Variants in DCST2 observed in about 807,000 individuals in gnomAD.
DCST2 encodes DC-STAMP domain containing 2, also known as DC-STAMP domain-containing protein 2.
DCST2 carries 64 observed loss-of-function variants against 81.8 expected under a neutral mutation model. That is an observed-to-expected ratio of 0.78 (90% CI 0.64 to 0.96). DCST2 has a LOEUF of 0.96. Among genes scored for constraint, DCST2 ranks in the 40% least tolerant of loss-of-function variants. The pLI, the probability that DCST2 is intolerant of heterozygous loss-of-function variation, is 0.00. For missense variants in DCST2, 945 were observed against 1,001.4 expected, an observed-to-expected ratio of 0.94 and a Z score of 0.76; for synonymous variants, 354 against 402.6, an observed-to-expected ratio of 0.88 and a Z score of 1.44.
intron 8 of DCST2, among the ~76,000 whole-genome samples, chr1:155,028,655 A>G (rs1427648190): frequency 6.6e-6 from 1 of 151,094 alleles, no homozygotes; most frequent in Non-Finnish European, 1.5e-5. Context: ...CCAGCAGATC[A>G]TGAGGTCAAG....
intron 3 of DCST2, among the ~76,000 whole-genome samples, chr1:155,032,047 G>C (rs1487412870): frequency 6.6e-6 from 1 of 152,200 alleles, no homozygotes; most frequent in East Asian, 1.9e-4. Context: ...AGGCTAGAGT[G>C]CAGTGGAGTG....
intron 4 of DCST2, 144 bp downstream of exon 4, chr1:155,031,430 A>AAAAATG: frequency 1.3e-6 from 1 of 755,990 alleles, no homozygotes. Context: ...CCCACCCCCA[A>AAAAATG]TACTGGTCCT....
rs749170029 is a variant in DCST2, at chr1:155,018,787, G to A, written c.2106-27C>T. 3.0e-5 allele frequency: 48 copies of A among 1,599,398 alleles called. No individual in the cohort carries two copies. The East Asian group carries it at 5.8e-4, about 19-fold the overall frequency. On this transcript the variant is annotated intron_variant, in intron 14 of 14. Transcript: ENST00000368424. ...TAGTGAGGAGAGGAAGGGGGTGGCC[G>A]GATCACCCACCTTCTGTCTTCACAG... is the stretch of plus-strand genomic sequence containing the variant.
intron 8 of DCST2, among the ~76,000 whole-genome samples, chr1:155,027,554 C>CTTTTTTTTTT (rs779621299): frequency 3.1e-5 from 2 of 64,020 alleles, no homozygotes; most frequent in South Asian, 5.9e-4. Context: ...TTTTTTACTT[C>CTTTTTTTTTT]TTTTTTTTTT....
In DCST2 at chr1:155,029,448, C is replaced by T. The variant is rs748333400; in HGVS notation, c.1178-51G>A. 1.9e-5 allele frequency: 30 copies of T among 1,583,952 alleles called. No homozygotes were observed. In the South Asian group the frequency reaches 2.7e-4, roughly 14 times the overall value. On this transcript the variant is annotated intron_variant, in intron 7 of 14. Transcript: ENST00000368424. ...GGATGCTCCCCAGTTCTCCCGTCCA[C>T]CAGATCCCAGTTCTTGGAGAGGCCT... is the stretch of plus-strand genomic sequence containing the variant.
At chr1:155,030,846 C>G (rs958641324) in intron 5 of DCST2, 1 of 618,994 alleles carries the variant, frequency 1.6e-6, no homozygotes, top group African/African-American at 1.8e-5. Flanking sequence ...GCTCAGCACC[C>G]AGCATGACAC....
chr1:155,026,041 C>T (rs191942541), intron 10 of DCST2, among the ~76,000 whole-genome samples: 2 of 151,732 alleles, frequency 1.3e-5, no homozygotes, highest in East Asian at 3.9e-4. Flanking sequence ...TCATCCCCCA[C>T]CCCCTCAACA....
Position 155,029,385 on chromosome 1 carries a change from A to T in DCST2, c.1190T>A (p.Leu397Ter). 6.2e-7 allele frequency: 1 copy of T among 1,613,954 alleles called. No individual in the cohort carries two copies. The highest frequency in any genetic ancestry group is 8.5e-7 in the Non-Finnish European group (1 of 1,179,928). ...GTAAAAAAACTTCTCCCATTGGGACAAGAAGATGGAGCCTGAGCAGGAGTG... is the reference window on the plus strand; with the variant it reads ...GTAAAAAAACTTCTCCCATTGGGACTAGAAGATGGAGCCTGAGCAGGAGTG... ...RRYIPPGSIF[L>*]SQWEKFFYIL... is the part of the protein sequence containing the mutation. Residue 397 changes from leucine to a stop codon, truncating the protein, a stop_gained, in exon 8 of 15, where the codon TTG becomes TAG. Transcript: ENST00000368424. LOFTEE classifies it high-confidence loss of function.
At chr1:155,020,122 C>T (rs752432843) in intron 14 of DCST2, among the ~76,000 whole-genome samples, 3 of 152,170 alleles carry the variant, frequency 2.0e-5, no homozygotes, top group Non-Finnish European at 4.4e-5. Context: ...CCCTGGAGCC[C>T]AAACCTCCCT....
In DCST2 at chr1:155,025,752, G is replaced by A. The variant is rs111933665; in HGVS notation, c.1611+550C>T. Among the ~76,000 whole-genome samples, 1,330 of 151,760 alleles carry A rather than the reference G, an allele frequency of 8.8e-3. 10 individuals carry two copies. The highest frequency in any genetic ancestry group is 0.016 in the South Asian group (79 of 4,808). On this transcript the variant is annotated intron_variant, in intron 10 of 14. Coordinates refer to ENST00000368424, the MANE Select transcript of DCST2 (RefSeq NM_144622.3). ...TCTCACTCCATTACCAGGCTGGAGTGCAGTGGTGCAATCATAGCTCACTAC... is the reference window on the plus strand; with the variant it reads ...TCTCACTCCATTACCAGGCTGGAGTACAGTGGTGCAATCATAGCTCACTAC...
chr1:155,031,337 T>C (rs1253088195), intron 4 of DCST2, 103 bp from the exon 5 acceptor site: 6 of 1,261,614 alleles, frequency 4.8e-6, no homozygotes, highest in South Asian at 1.5e-5. Context: ...GATTTTCCTA[T>C]TGGCCTCCAC....
Position 155,024,475 on chromosome 1 carries a change from C to G in DCST2, c.1739G>C (p.Ser580Thr). The G allele has an allele frequency of 6.2e-7, 1 of 1,601,686 alleles. No homozygotes were observed. The highest frequency in any genetic ancestry group is 8.5e-7 in the Non-Finnish European group (1 of 1,173,062). The change falls in exon 11 of 15, where the codon AGT becomes ACT. Residue 580 changes from serine (S) to threonine (T), a missense_variant. Transcript: ENST00000368424. ...ATAGAAAAGACAGTGGCCTCACCGACTGGCCAGCACTAGGAAGGCACTTCT... is the reference window on the plus strand; with the variant it reads ...ATAGAAAAGACAGTGGCCTCACCGAGTGGCCAGCACTAGGAAGGCACTTCT... ...GHRSAFLVLASRCPCLGPFVS... is the reference protein window; with the variant it reads ...GHRSAFLVLATRCPCLGPFVS...
rs572795536 is a variant in DCST2, at chr1:155,028,223, C to T, written c.1342+1010G>A. 1.1e-3 allele frequency among the ~76,000 whole-genome samples: 173 copies of T among 152,274 alleles called. 1 individual carries two copies. The highest frequency in any genetic ancestry group is 4.0e-3 in the African/African-American group (165 of 41,548). On this transcript the variant is annotated intron_variant, in intron 8 of 14. Transcript: ENST00000368424. ...TTACAGGCATGAGCCACCCGCCTGG[C>T]CCCAACACACATAATCTAATTTATT...
At chr1:155,031,392 C>G (rs1283273648) in intron 4 of DCST2, among the ~76,000 whole-genome samples, 158 bp from the exon 5 acceptor site, 1 of 152,012 alleles carries the variant, frequency 6.6e-6, no homozygotes, top group Non-Finnish European at 1.5e-5. Context: ...CCTTCTCTCC[C>G]AACACCAGTC....
intron 10 of DCST2, 34 bp downstream of exon 10, chr1:155,026,268 G>A (rs765542330): frequency 6.2e-7 from 1 of 1,608,976 alleles, no homozygotes; most frequent in Non-Finnish European, 8.5e-7. Context: ...CTGGGGAGGG[G>A]GCAGGGACTA....
At chr1:155,023,088 C>G in intron 14 of DCST2, 29 bp downstream of exon 14, 3 of 1,603,652 alleles carry the variant, frequency 1.9e-6, no homozygotes, top group Non-Finnish European at 2.5e-6. Flanking sequence ...CTCACAATTC[C>G]CAGGTGCCAA....
intron 14 of DCST2, among the ~76,000 whole-genome samples, chr1:155,022,269 C>T (rs779078755): frequency 1.3e-5 from 2 of 152,146 alleles, no homozygotes; most frequent in Non-Finnish European, 2.9e-5. Context: ...CCTTGACTTC[C>T]AACCTCATCT....
At chr1:155,029,148 G>A in intron 8 of DCST2, 85 bp downstream of exon 8, 1 of 1,507,974 alleles carries the variant, frequency 6.6e-7, no homozygotes, top group Non-Finnish European at 9.0e-7. Flanking sequence ...AAGAGGAGAA[G>A]GCTTGGGAGC....
chr1:155,019,894 G>A (rs550281320), intron 14 of DCST2, among the ~76,000 whole-genome samples: 22 of 152,274 alleles, frequency 1.4e-4, no homozygotes, highest in Non-Finnish European at 2.5e-4. Flanking sequence ...CACTTGCCAC[G>A]GCAGGTCTTT....
Sources: gnomAD v4.1 joint callset for allele counts (sites outside exome capture counted in the v4.1 genomes callset) on GRCh38, gnomAD v4.1.1 for gene constraint, MANE v1.5 for transcripts, NCBI Gene and HGNC (gene_info 2026-07-23, HGNC 2026-07-21) for gene names.